EPS8: variants seen among roughly 807,000 people sequenced by gnomAD.
The protein encoded by EPS8 is EGFR pathway substrate 8, signaling adaptor, also known as epidermal growth factor receptor kinase substrate 8.
EPS8 carries 42 observed loss-of-function variants against 103.8 expected under a neutral mutation model. The observed-to-expected ratio is 0.40, with a 90% confidence interval of 0.32 to 0.52. EPS8 has a LOEUF of 0.52. Among genes scored for constraint, EPS8 ranks in the 20% least tolerant of loss-of-function variants. The pLI is 0.40. For missense variants in EPS8, 969 were observed against 1,005.1 expected, an observed-to-expected ratio of 0.96 and a Z score of 0.49; for synonymous variants, 344 against 344.6, an observed-to-expected ratio of 1.00 and a Z score of 0.02.
rs750616494 is a variant in EPS8, at chr12:15,697,047, ATTTC to A, written c.-21-14079_-21-14076del. 6.6e-5 allele frequency among the ~76,000 whole-genome samples: 10 copies of A among 152,162 alleles called. No individual in the cohort carries two copies. Among genetic ancestry groups the A allele is most frequent in the Non-Finnish European group, 1.2e-4 (8 of 68,032 alleles). On this transcript the variant is annotated intron_variant, in intron 1 of 20. Coordinates refer to ENST00000281172, the MANE Select transcript of EPS8 (RefSeq NM_004447.6). The surrounding 1 kb of genome is among the most constrained non-coding windows in gnomAD (Gnocchi z 5.6). ...GAATTATCGTAAGGCCAGCATTTGC[ATTTC>A]TTTCTTTCTATTCCCACAGTTCCCA...
chr12:15,720,708 T>TC (rs974664638), intron 1 of EPS8, among the ~76,000 whole-genome samples: 1 of 152,170 alleles, frequency 6.6e-6, no homozygotes, highest in African/African-American at 2.4e-5. Flanking sequence ...TTAGGATCTG[T>TC]CCCCTGCCTC....
chr12:15,643,740 G>GAAAAAAAAAAAAAA (rs56952348), intron 15 of EPS8, among the ~76,000 whole-genome samples: 1 of 76,992 alleles, frequency 1.3e-5, no homozygotes, highest in East Asian at 4.5e-4. Context: ...ACTCTGTCTC[G>GAAAAAAAAAAAAAA]AAAAAAAAAA....
At chr12:15,691,289 C>T (rs1441041100) in intron 1 of EPS8, among the ~76,000 whole-genome samples, 1 of 151,196 alleles carries the variant, frequency 6.6e-6, no homozygotes, top group Non-Finnish European at 1.5e-5. Context: ...GCCTGTAATC[C>T]CAACACTTTG....
intron 1 of EPS8, among the ~76,000 whole-genome samples, chr12:15,723,522 A>G (rs910003310): frequency 6.6e-6 from 1 of 152,202 alleles, no homozygotes; most frequent in Non-Finnish European, 1.5e-5. Flanking sequence ...AGGTACAAAT[A>G]TGCATAAGAT....
In EPS8 at chr12:15,690,841, ACT is replaced by A. The variant is rs1946161659; in HGVS notation, c.-21-7871_-21-7870del. 6.6e-6 allele frequency among the ~76,000 whole-genome samples: 1 copy of A among 152,108 alleles called. No homozygotes were observed. The highest frequency in any genetic ancestry group is 1.5e-5 in the Non-Finnish European group (1 of 68,014). On this transcript the variant is annotated intron_variant, in intron 1 of 20. Coordinates refer to ENST00000281172, the MANE Select transcript of EPS8 (RefSeq NM_004447.6). The surrounding 1 kb of genome is among the most constrained non-coding windows in gnomAD (Gnocchi z 4.7). The stretch of plus-strand genomic sequence containing the variant: ...ATTTTGCCCACAAAGATAAAAATGC[ACT>A]CTTTTCAAAATAGTATTTTTCATTT...
intron 12 of EPS8, 100 bp downstream of exon 12, chr12:15,657,979 C>A: frequency 2.8e-6 from 2 of 721,364 alleles, no homozygotes; most frequent in South Asian, 1.6e-5. Flanking sequence ...ATAGTACCCA[C>A]GCAAGGTAAT....
chr12:15,711,550 A>G (rs1946464949), intron 1 of EPS8, among the ~76,000 whole-genome samples: 1 of 152,168 alleles, frequency 6.6e-6, no homozygotes, highest in African/African-American at 2.4e-5. Flanking sequence ...AATATTTTAC[A>G]TACCATTCCA....
rs1946765711 is a variant in EPS8 at position 15,736,231 on chromosome 12, T to G, written c.-22+52930A>C. Reference sequence around the variant, plus strand: ...AAAACTATCCTAGTATCATGTCACTTTAATGAACTGTAATAATTAACAATA... The same window carrying G: ...AAAACTATCCTAGTATCATGTCACTGTAATGAACTGTAATAATTAACAATA... On this transcript the variant is annotated intron_variant, in intron 1 of 20. Coordinates refer to ENST00000281172, the MANE Select transcript of EPS8 (RefSeq NM_004447.6). The surrounding 1 kb of genome is among the most constrained non-coding windows in gnomAD (Gnocchi z 4.2). Among the ~76,000 whole-genome samples the G allele has an allele frequency of 6.6e-6, 1 of 152,182 alleles. No individual in the cohort carries two copies. The highest frequency in any genetic ancestry group is 1.5e-5 in the Non-Finnish European group (1 of 68,024).
chr12:15,658,209 A>G, intron 11 of EPS8, 56 bp from the exon 12 acceptor site: 1 of 1,234,934 alleles, frequency 8.1e-7, no homozygotes, highest in African/African-American at 1.5e-5. Flanking sequence ...AGACACTCAG[A>G]AAGGTCCAAC....
At chr12:15,666,620 G>GT (rs1014327930) in intron 6 of EPS8, 98 bp from the exon 7 acceptor site, 2 of 806,930 alleles carry the variant, frequency 2.5e-6, no homozygotes, top group Non-Finnish European at 4.1e-6. Context: ...GTCTGAATCA[G>GT]TAAGTATCTT....
rs936562626 is a variant in EPS8 at position 15,777,535 on chromosome 12, G to A, written c.-22+11626C>T. ...CGATGAAGGCTTCAATCCCTCCTTT[G>A]TTTCAAACCCCCTAGCAGCCTAAAC... On this transcript the variant is annotated intron_variant, in intron 1 of 20. Coordinates refer to ENST00000281172, the MANE Select transcript of EPS8 (RefSeq NM_004447.6). This position sits in a 1 kb window ranked among gnomAD's most constrained non-coding sequence, Gnocchi z 4.7. Among the ~76,000 whole-genome samples, 3 of 152,082 alleles carry A rather than the reference G, an allele frequency of 2.0e-5. No individual in the cohort carries two copies. Among genetic ancestry groups the A allele is most frequent in the Non-Finnish European group, 4.4e-5 (3 of 68,004 alleles).
At chr12:15,630,895 C>A (rs934610880) in intron 18 of EPS8, among the ~76,000 whole-genome samples, 4 of 152,082 alleles carry the variant, frequency 2.6e-5, no homozygotes, top group African/African-American at 4.8e-5. Context: ...CTGGTCTCTA[C>A]CCATTAGACA....
At chr12:15,661,375 T>C (rs1399689211) in intron 9 of EPS8, among the ~76,000 whole-genome samples, 1 of 152,152 alleles carries the variant, frequency 6.6e-6, no homozygotes, top group African/African-American at 2.4e-5. Flanking sequence ...TAACATGTAA[T>C]AGTGTGCTGT....
At chr12:15,711,356 A>G (rs1946461115) in intron 1 of EPS8, among the ~76,000 whole-genome samples, 1 of 152,192 alleles carries the variant, frequency 6.6e-6, no homozygotes, top group African/African-American at 2.4e-5. Context: ...TTTACATAGA[A>G]ATGAGACTAA....
In EPS8 at chr12:15,697,384, A is replaced by C. The variant is rs1302774651; in HGVS notation, c.-21-14412T>G. Among the ~76,000 whole-genome samples, 1 of 152,254 alleles carries C rather than the reference A, an allele frequency of 6.6e-6. No homozygotes were observed. Among genetic ancestry groups the C allele is most frequent in the Non-Finnish European group, 1.5e-5 (1 of 68,046 alleles). ...TAGCAGTGACAGCAGGAAGAGGAAG[A>C]GGCAGAACAGCAGCAGCAGCGGCAA... On this transcript the variant is annotated intron_variant, in intron 1 of 20. Coordinates refer to ENST00000281172, the MANE Select transcript of EPS8 (RefSeq NM_004447.6). The surrounding 1 kb of genome is among the most constrained non-coding windows in gnomAD (Gnocchi z 5.6).
rs1394667570 is a variant in EPS8, at chr12:15,728,794, T to C, written c.-21-45822A>G. ...ATATTTAAAGCACAATATATGTTAA[T>C]ATCAAACTTTGGTAGCAAAATATTC... is the stretch of plus-strand genomic sequence containing the variant. On this transcript the variant is annotated intron_variant, in intron 1 of 20. Coordinates refer to ENST00000281172, the MANE Select transcript of EPS8 (RefSeq NM_004447.6). The surrounding 1 kb of genome is among the most constrained non-coding windows in gnomAD (Gnocchi z 4.5). Among the ~76,000 whole-genome samples the C allele has an allele frequency of 2.6e-5, 4 of 152,150 alleles. No homozygotes were observed. Among genetic ancestry groups the C allele is most frequent in the African/African-American group, 9.7e-5 (4 of 41,424 alleles).
At position 15,771,853 on chromosome 12, in the gene EPS8, G is replaced by A. The variant is rs944545294; in HGVS notation, c.-22+17308C>T. Among the ~76,000 whole-genome samples the A allele has an allele frequency of 1.3e-5, 2 of 152,136 alleles. No individual in the cohort carries two copies. Among genetic ancestry groups the A allele is most frequent in the African/African-American group, 2.4e-5 (1 of 41,422 alleles). On this transcript the variant is annotated intron_variant, in intron 1 of 20. Coordinates refer to ENST00000281172, the MANE Select transcript of EPS8 (RefSeq NM_004447.6). This position sits in a 1 kb window ranked among gnomAD's most constrained non-coding sequence, Gnocchi z 4.6. Reference sequence around the variant, plus strand: ...CAAAAGAAAGGGGAAGGCCGGGGGCGGTGGCTCATGCCTGTAATCACAGCA... The same window carrying A: ...CAAAAGAAAGGGGAAGGCCGGGGGCAGTGGCTCATGCCTGTAATCACAGCA...
intron 18 of EPS8, among the ~76,000 whole-genome samples, chr12:15,630,643 A>T (rs1336305725): frequency 6.6e-6 from 1 of 152,194 alleles, no homozygotes. Flanking sequence ...TTGGCAGGTG[A>T]TTATATTAAC....
At position 15,627,701 on chromosome 12, in the gene EPS8, A is replaced by C. The variant is rs557886294; in HGVS notation, c.2045-3294T>G. On this transcript the variant is annotated intron_variant, in intron 18 of 20. Coordinates refer to ENST00000281172, the MANE Select transcript of EPS8 (RefSeq NM_004447.6). ...TCCTTTTTCCTAGCCATTTATGCTA[A>C]TGGAAAAGATGTGTGTGTATATGAA... Among the ~76,000 whole-genome samples the C allele has an allele frequency of 5.3e-5, 8 of 152,346 alleles. No homozygotes were observed. In the East Asian group the frequency reaches 1.5e-3, roughly 29 times the overall value.
Sources: allele counts gnomAD v4.1 joint callset (sites outside exome capture counted in the v4.1 genomes callset), GRCh38; gene constraint gnomAD v4.1.1; non-coding constraint Gnocchi (gnomAD v3.1); transcripts MANE v1.5; gene names NCBI Gene and HGNC (gene_info 2026-07-23, HGNC 2026-07-21).